The following DMD variants were observed in gnomAD, a reference collection of about 807,000 sequenced individuals.
DMD encodes the protein dystrophin.
A neutral mutation model predicts 330.1 loss-of-function variants in DMD; 63 were observed. The observed-to-expected ratio is 0.19, with a 90% confidence interval of 0.16 to 0.24. The LOEUF (loss-of-function observed/expected upper bound fraction) is 0.24. Among genes scored for constraint, DMD ranks in the 10% least tolerant of loss-of-function variants. DMD has a pLI of 1.00. For synonymous variants in DMD, 1,223 were observed against 959.8 expected (o/e 1.27, Z -5.07); for missense variants, 3,344 against 2,684.1 (o/e 1.25, Z -5.43).
At chrX:31,708,965 T>C in intron 52 of DMD, among the ~76,000 whole-genome samples, 1 of 112,121 alleles carries the variant, frequency 8.9e-6, no homozygotes, top group South Asian at 3.7e-4. Flanking sequence ...ATTCCTACTT[T>C]TGCAGTTCTA....
intron 38 of DMD, 79 bp downstream of exon 38, chrX:32,348,327 G>T: frequency 9.9e-7 from 1 of 1,009,082 alleles, no homozygotes; most frequent in Non-Finnish European, 1.4e-6. Flanking sequence ...TGAAAATTCA[G>T]TTGGAGACTT....
chrX:31,963,520 G>A (rs1363205505), intron 45 of DMD, among the ~76,000 whole-genome samples: 1 of 110,901 alleles, frequency 9.0e-6, no homozygotes, highest in Non-Finnish European at 1.9e-5. Context: ...TATCTCCTTT[G>A]GGACTGCTTG....
intron 44 of DMD, among the ~76,000 whole-genome samples, chrX:32,100,621 C>A: frequency 9.0e-6 from 1 of 110,914 alleles, no homozygotes; most frequent in Non-Finnish European, 1.9e-5. Context: ...GTCAATTTGC[C>A]TATTAAAATA....
At chrX:31,778,565 ATTTT>A (rs36164865) in intron 50 of DMD, among the ~76,000 whole-genome samples, 2 of 63,059 alleles carry the variant, frequency 3.2e-5, no homozygotes, top group Non-Finnish European at 5.5e-5. Flanking sequence ...AAGTCCTGAA[ATTTT>A]TTTTTTTTTT....
intron 7 of DMD, among the ~76,000 whole-genome samples, chrX:32,731,311 G>A (rs2067604443): frequency 8.9e-6 from 1 of 112,327 alleles, no homozygotes; most frequent in East Asian, 2.8e-4. Flanking sequence ...AGATCAAACT[G>A]CAAGGTGGCA....
At chrX:32,769,175 G>A (rs1053523871) in intron 7 of DMD, among the ~76,000 whole-genome samples, 6 of 112,440 alleles carry the variant, frequency 5.3e-5, no homozygotes, top group African/African-American at 1.9e-4. Flanking sequence ...AATACCTGCC[G>A]AGACTGGACG....
intron 11 of DMD, among the ~76,000 whole-genome samples, chrX:32,624,234 G>T (rs1357699649): frequency 8.9e-6 from 1 of 111,878 alleles, no homozygotes; most frequent in Non-Finnish European, 1.9e-5. Context: ...AAGGTGAATG[G>T]AGTATACATA....
At chrX:31,652,896 T>C (rs1488611585) in intron 54 of DMD, among the ~76,000 whole-genome samples, 2 of 110,504 alleles carry the variant, frequency 1.8e-5, no homozygotes, top group African/African-American at 6.6e-5. Flanking sequence ...CAAGTACAGC[T>C]GGATAGAAAA....
chrX:32,471,976 CCATA>C (rs1332759688), intron 22 of DMD, among the ~76,000 whole-genome samples, 184 bp downstream of exon 22: 3 of 111,820 alleles, frequency 2.7e-5, no homozygotes, highest in Non-Finnish European at 5.6e-5. Context: ...GTATATATGC[CCATA>C]CATATATATC....
intron 26 of DMD, among the ~76,000 whole-genome samples, chrX:32,450,374 C>A (rs182467972): frequency 9.0e-6 from 1 of 111,077 alleles, no homozygotes; most frequent in South Asian, 3.7e-4. Flanking sequence ...TTAACTTCAC[C>A]GATTTTAATT....
intron 7 of DMD, among the ~76,000 whole-genome samples, chrX:32,700,742 G>A (rs2064048148): frequency 9.0e-6 from 1 of 111,079 alleles, no homozygotes; most frequent in African/African-American, 3.3e-5. Flanking sequence ...CCTGGCAGGA[G>A]GTCAAGGTAA....
chrX:32,035,559 C>T lies in DMD; in HGVS notation c.6439-67045G>A, dbSNP rs181199102. 12 of 307,917 alleles carry T rather than the reference C, an allele frequency of 3.9e-5. No homozygotes were observed. The East Asian group carries it at 1.3e-3, about 32-fold the overall frequency. 25.4% of individuals were successfully genotyped at this position (307,917 alleles called of 1,213,427 possible). A position where few individuals can be genotyped will look rare whatever the true frequency, so the allele number is the denominator to read the frequency against. ...CAATTGCATGAGAGTTCCTTAAGAGCTATAATAGCAGAAATACAGGCTTCT... is the reference window on the plus strand; with the variant it reads ...CAATTGCATGAGAGTTCCTTAAGAGTTATAATAGCAGAAATACAGGCTTCT... On this transcript the variant is annotated intron_variant, in intron 44 of 78. Transcript: ENST00000357033.
At chrX:31,138,816 G>A (rs113308423) in intron 76 of DMD, among the ~76,000 whole-genome samples, 3,884 of 111,158 alleles carry the variant, frequency 0.035, 171 homozygotes, top group African/African-American at 0.11. Context: ...CCCCTGACAC[G>A]TGGGGATTAC....
chrX:31,492,169 A>T (rs2069368445), intron 57 of DMD, among the ~76,000 whole-genome samples: 1 of 112,598 alleles, frequency 8.9e-6, no homozygotes, highest in Admixed American at 9.4e-5. Context: ...GAGCAATACA[A>T]TGTACAATTC....
At chrX:32,690,820 TGCC>T (rs2063224554) in intron 9 of DMD, among the ~76,000 whole-genome samples, 1 of 111,462 alleles carries the variant, frequency 9.0e-6, no homozygotes, top group African/African-American at 3.3e-5. Context: ...GCTTATCTTA[TGCC>T]ATATGCAAAT....
At chrX:33,085,467 T>C (rs1438321074) in intron 1 of DMD, among the ~76,000 whole-genome samples, 5 of 111,942 alleles carry the variant, frequency 4.5e-5, no homozygotes, top group African/African-American at 6.5e-5. Flanking sequence ...ATATGGTGTC[T>C]TCTAGATGGG....
chrX:33,167,090 T>G (rs773824514), intron 1 of DMD, among the ~76,000 whole-genome samples: 1 of 111,238 alleles, frequency 9.0e-6, no homozygotes, highest in Non-Finnish European at 1.9e-5. Context: ...GTATTGGTAT[T>G]ATTAAAAACT....
chrX:32,297,169 C>T (rs750153656), intron 42 of DMD, among the ~76,000 whole-genome samples: 2 of 111,328 alleles, frequency 1.8e-5, no homozygotes, highest in Non-Finnish European at 3.8e-5. Context: ...CTGACAGCTA[C>T]ATCGCTGTAT....
chrX:32,038,546 T>C (rs2095971032), intron 44 of DMD, among the ~76,000 whole-genome samples: 1 of 110,948 alleles, frequency 9.0e-6, no homozygotes, highest in African/African-American at 3.3e-5. Context: ...ATTAGAGGGA[T>C]AGACAGAGTT....
Sources: gnomAD v4.1 joint callset for allele counts (sites outside exome capture counted in the v4.1 genomes callset) on GRCh38, gnomAD v4.1.1 for gene constraint, MANE v1.5 for transcripts, NCBI Gene and HGNC (gene_info 2026-07-23, HGNC 2026-07-21) for gene names.